The following RALYL variants were observed in gnomAD, a reference collection of about 807,000 sequenced individuals.
RALYL encodes the protein RALY RNA binding protein like, also known as RNA-binding Raly-like protein.
In RALYL, 29 loss-of-function variants were observed where a neutral mutation model predicts 35.1. The observed-to-expected ratio is 0.83, with a 90% CI of 0.61 to 1.13. The LOEUF (loss-of-function observed/expected upper bound fraction) is 1.13, where lower values mean the gene tolerates loss of function less well. Among genes scored for constraint, RALYL ranks in the 50% most tolerant of loss-of-function variants. The probability of loss-of-function intolerance (pLI) is 0.00; values close to 1 mark genes in which losing one functional copy is unlikely to be tolerated. For missense variants in RALYL, 359 were observed against 360.4 expected (o/e 1.00, Z 0.03); for synonymous variants, 120 against 127.6 (o/e 0.94, Z 0.40).
chr8:84,261,047 AATT>A (rs985195694), intron 1 of RALYL, among the ~76,000 whole-genome samples: 1 of 150,900 alleles, frequency 6.6e-6, no homozygotes. Flanking sequence ...TAAGATACTT[AATT>A]ATGTTTAAAT....
chr8:84,544,025 T>G (rs1167997973), intron 2 of RALYL, among the ~76,000 whole-genome samples: 1 of 152,046 alleles, frequency 6.6e-6, no homozygotes, highest in Non-Finnish European at 1.5e-5. Flanking sequence ...AACATCATTA[T>G]GATATCTGAA....
intron 1 of RALYL, among the ~76,000 whole-genome samples, chr8:84,470,129 A>T (rs959972914): frequency 2.0e-5 from 3 of 152,200 alleles, no homozygotes; most frequent in Non-Finnish European, 2.9e-5. Flanking sequence ...AGCTGTAGAC[A>T]GGAGCTGTTC....
intron 2 of RALYL, among the ~76,000 whole-genome samples, chr8:84,617,909 A>G (rs1462537150): frequency 6.6e-6 from 1 of 151,824 alleles, no homozygotes; most frequent in Admixed American, 6.6e-5. Context: ...TGATTTGCGT[A>G]TATTGAACCA....
intron 1 of RALYL, among the ~76,000 whole-genome samples, chr8:84,222,688 CTTTGGCCAATAGTAAT>C (rs1421869632): frequency 6.6e-6 from 1 of 152,084 alleles, no homozygotes; most frequent in Non-Finnish European, 1.5e-5. Flanking sequence ...TATTAAGTCA[CTTTGGCCAATAGTAAT>C]CTGGTTCTTG....
chr8:84,264,799 CTT>C (rs1832980011), intron 1 of RALYL, among the ~76,000 whole-genome samples: 2 of 151,898 alleles, frequency 1.3e-5, no homozygotes, highest in South Asian at 2.1e-4. Flanking sequence ...ATTTATAACT[CTT>C]ATATCTTCAG....
At chr8:84,402,495 A>G (rs1026702200) in intron 1 of RALYL, among the ~76,000 whole-genome samples, 26 of 152,160 alleles carry the variant, frequency 1.7e-4, no homozygotes, top group African/African-American at 3.9e-4. Flanking sequence ...GACCGTCTAC[A>G]TGATCAACTA....
intron 2 of RALYL, among the ~76,000 whole-genome samples, chr8:84,632,623 T>A (rs1026615707): frequency 3.2e-4 from 48 of 150,936 alleles, no homozygotes; most frequent in Non-Finnish European, 5.5e-4. Flanking sequence ...GTAGTTTTCT[T>A]TATTTTTCTG....
At chr8:84,249,767 A>C (rs961069365) in intron 1 of RALYL, among the ~76,000 whole-genome samples, 4 of 152,086 alleles carry the variant, frequency 2.6e-5, no homozygotes, top group African/African-American at 9.7e-5. Context: ...ACTGCACTAT[A>C]CTACATGTAG....
At chr8:84,824,999 G>T (rs1829356957) in intron 4 of RALYL, among the ~76,000 whole-genome samples, 1 of 152,142 alleles carries the variant, frequency 6.6e-6, no homozygotes, top group Non-Finnish European at 1.5e-5. Context: ...AAATTGAGAA[G>T]TGGGGCCTAA....
intron 1 of RALYL, among the ~76,000 whole-genome samples, chr8:84,297,175 G>A (rs895348766): frequency 6.6e-6 from 1 of 151,918 alleles, no homozygotes; most frequent in African/African-American, 2.4e-5. Flanking sequence ...CATAGTACCT[G>A]ATAGGTAGTT....
chr8:84,486,424 G>C (rs1365869409), intron 1 of RALYL, among the ~76,000 whole-genome samples: 1 of 151,578 alleles, frequency 6.6e-6, no homozygotes, highest in Non-Finnish European at 1.5e-5. Context: ...ATCATAAATA[G>C]TATCATTCTG....
intron 1 of RALYL, among the ~76,000 whole-genome samples, chr8:84,441,825 A>G (rs2048360495): frequency 6.6e-6 from 1 of 152,094 alleles, no homozygotes; most frequent in Admixed American, 6.6e-5. Flanking sequence ...ATATACGTCA[A>G]TTCCTCATCC....
At chr8:84,543,032 G>C (rs79913219) in intron 2 of RALYL, among the ~76,000 whole-genome samples, 4,474 of 152,094 alleles carry the variant, frequency 0.029, 113 homozygotes, top group Middle Eastern at 0.078. Context: ...AATTGTACAG[G>C]TCTACAGTTT....
At chr8:84,887,846 C>A in intron 8 of RALYL, 70 bp downstream of exon 8, 1 of 1,345,506 alleles carries the variant, frequency 7.4e-7, no homozygotes, top group South Asian at 1.4e-5. Context: ...CTCATTCATT[C>A]TAAAATAAGG....
intron 1 of RALYL, among the ~76,000 whole-genome samples, chr8:84,501,050 A>G (rs370613163): frequency 5.3e-5 from 8 of 152,272 alleles, no homozygotes; most frequent in African/African-American, 1.9e-4. Context: ...AATGTAACAT[A>G]TAAGTCATCA....
intron 1 of RALYL, among the ~76,000 whole-genome samples, chr8:84,460,530 T>C (rs1265406513): frequency 6.6e-6 from 1 of 151,594 alleles, no homozygotes; most frequent in Non-Finnish European, 1.5e-5. Context: ...TTCTTCAAGA[T>C]ACAAGGTTAA....
chr8:84,483,267 G>T (rs4512376), intron 1 of RALYL, among the ~76,000 whole-genome samples: 1 of 152,056 alleles, frequency 6.6e-6, no homozygotes, highest in African/African-American at 2.4e-5. Context: ...ACTCTAAAAA[G>T]ATATAACTTA....
chr8:84,303,473 G>A (rs1013805859), intron 1 of RALYL, among the ~76,000 whole-genome samples: 2 of 152,154 alleles, frequency 1.3e-5, no homozygotes, highest in African/African-American at 4.8e-5. Flanking sequence ...GTAGGTTGGA[G>A]ATCACACGTG....
At chr8:84,905,171 A>G (rs1846276949) in intron 8 of RALYL, among the ~76,000 whole-genome samples, 1 of 152,188 alleles carries the variant, frequency 6.6e-6, no homozygotes. Flanking sequence ...TACCTCATAT[A>G]AGTGAAATCA....
Sources: allele counts gnomAD v4.1 joint callset (sites outside exome capture counted in the v4.1 genomes callset), GRCh38; gene constraint gnomAD v4.1.1; transcripts MANE v1.5; gene names NCBI Gene and HGNC (gene_info 2026-07-23, HGNC 2026-07-21).